AUTS2: variants seen among roughly 807,000 people sequenced by gnomAD.
The protein encoded by AUTS2 is activator of transcription and developmental regulator AUTS2, also known as autism susceptibility gene 2 protein.
AUTS2 carries 17 observed loss-of-function variants against 112.4 expected under a neutral mutation model. The ratio of observed to expected loss-of-function variants is 0.15; its 90% CI spans 0.10 to 0.23. The LOEUF is 0.23. AUTS2 is among the 10% of genes least tolerant of loss of function. The pLI, the probability that AUTS2 is intolerant of heterozygous loss-of-function variation, is 1.00. For synonymous variants in AUTS2, 751 were observed against 702.7 expected (o/e 1.07, Z -1.09); for missense variants, 1,510 against 1,701.6 (o/e 0.89, Z 1.98).
intron 2 of AUTS2, among the ~76,000 whole-genome samples, chr7:70,066,505 T>TTAAAATC (rs1802499070): frequency 6.6e-6 from 1 of 151,950 alleles, no homozygotes; most frequent in Non-Finnish European, 1.5e-5. Flanking sequence ...AAGTTTAATT[T>TTAAAATC]TAAAATCTAA....
chr7:70,767,889 A>G, intron 9 of AUTS2, 135 bp from the exon 10 acceptor site: 1 of 784,826 alleles, frequency 1.3e-6, no homozygotes, highest in Non-Finnish European at 2.1e-6. Flanking sequence ...GGAGCTCAGA[A>G]TGGTTTCATA....
Position 70,730,458 on chromosome 7 carries a change from C to T in AUTS2, c.742+31838C>T, listed in dbSNP as rs542641405. 1.3e-3 allele frequency among the ~76,000 whole-genome samples: 197 copies of T among 152,334 alleles called. 1 individual carries two copies. Among genetic ancestry groups the T allele is most frequent in the African/African-American group, 4.2e-3 (176 of 41,568 alleles). On this transcript the variant is annotated intron_variant, in intron 6 of 18. Transcript: ENST00000342771. ...GCCCAGGCAGCCACTAATCTGCTTT[C>T]TGTCTCTGGCTTTGCCCGTTCCTGG... is the stretch of plus-strand genomic sequence containing the variant.
At position 70,727,600 on chromosome 7, in the gene AUTS2, A is replaced by G. The variant is rs147996680; in HGVS notation, c.742+28980A>G. Among the ~76,000 whole-genome samples the G allele has an allele frequency of 9.9e-4, 151 of 152,274 alleles. 1 individual carries two copies. In the East Asian group the frequency reaches 0.027, roughly 27 times the overall value. On this transcript the variant is annotated intron_variant, in intron 6 of 18. Coordinates refer to ENST00000342771, the MANE Select transcript of AUTS2 (RefSeq NM_015570.4). ...TGATCTCAGGCGATCTGCCTGCCTC[A>G]GCCTCCCAAAGTGCTGGGATTACAG...
chr7:70,750,193 T>C (rs2129555269), intron 6 of AUTS2, among the ~76,000 whole-genome samples: 1 of 152,208 alleles, frequency 6.6e-6, no homozygotes, highest in Non-Finnish European at 1.5e-5. Context: ...ACCTGGACCC[T>C]GATGAGAGGG....
chr7:70,098,739 G>A (rs1201718281), intron 2 of AUTS2, among the ~76,000 whole-genome samples: 1 of 139,212 alleles, frequency 7.2e-6, no homozygotes, highest in Non-Finnish European at 1.6e-5. Context: ...TTTTGCTCTT[G>A]TTGCCCAGGC....
chr7:70,414,596 C>T (rs1313071900), intron 4 of AUTS2, among the ~76,000 whole-genome samples: 1 of 152,018 alleles, frequency 6.6e-6, no homozygotes, highest in Non-Finnish European at 1.5e-5. Context: ...AGTGGGGAGA[C>T]AATTATGAGA....
chr7:70,787,276 C>T lies in AUTS2; in HGVS notation c.2376C>T (p.Pro792=), dbSNP rs138310814. 1.2e-6 allele frequency: 2 copies of T among 1,614,108 alleles called. No individual in the cohort carries two copies. Among genetic ancestry groups the T allele is most frequent in the African/African-American group, 2.7e-5 (2 of 74,946 alleles). ...AGAACTTTAGCAACCCTCACGAACC[C>T]TGGAACCGGCTGCACCGAACGCCTC... ...SVQNFSNPHE[P]WNRLHRTPPS... The change falls in exon 18 of 19, where the codon CCC becomes CCT. Residue 792 remains proline, a synonymous_variant. Coordinates refer to ENST00000342771, the MANE Select transcript of AUTS2 (RefSeq NM_015570.4).
At chr7:69,873,702 G>T (rs1793604035) in intron 1 of AUTS2, among the ~76,000 whole-genome samples, 1 of 152,140 alleles carries the variant, frequency 6.6e-6, no homozygotes, top group Non-Finnish European at 1.5e-5. Flanking sequence ...GAACAGAAAT[G>T]ATTATCTATC....
chr7:70,418,646 G>C (rs1258844317), intron 4 of AUTS2, among the ~76,000 whole-genome samples: 1 of 152,174 alleles, frequency 6.6e-6, no homozygotes, highest in Non-Finnish European at 1.5e-5. Context: ...GGCCTCTGAA[G>C]ATCAGCAGCC....
At chr7:70,406,605 C>T (rs1243035818) in intron 4 of AUTS2, among the ~76,000 whole-genome samples, 1 of 152,196 alleles carries the variant, frequency 6.6e-6, no homozygotes, top group Non-Finnish European at 1.5e-5. Context: ...CATTACGAGG[C>T]TGCTGGGCTC....
intron 5 of AUTS2, among the ~76,000 whole-genome samples, chr7:70,488,775 C>T (rs551509888): frequency 2.0e-5 from 3 of 152,240 alleles, no homozygotes; most frequent in African/African-American, 7.2e-5. Context: ...GACGCGTATC[C>T]CTTCAGGGAA....
intron 1 of AUTS2, among the ~76,000 whole-genome samples, chr7:69,736,992 G>A (rs943948312): frequency 3.9e-5 from 6 of 152,078 alleles, no homozygotes; most frequent in South Asian, 2.1e-4. Context: ...GGGTTATTCC[G>A]GGAAAATCAG....
chr7:70,386,644 C>G (rs2129633694), intron 4 of AUTS2, among the ~76,000 whole-genome samples: 1 of 152,318 alleles, frequency 6.6e-6, no homozygotes, highest in South Asian at 2.1e-4. Context: ...GCAAGTGTCT[C>G]TAAAAATGTT....
chr7:69,910,198 G>C (rs1795297047), intron 2 of AUTS2, among the ~76,000 whole-genome samples: 2 of 152,158 alleles, frequency 1.3e-5, no homozygotes, highest in South Asian at 4.1e-4. Context: ...TTTTTGAAGG[G>C]GAGTATATTG....
chr7:69,608,739 A>G (rs771169271), intron 1 of AUTS2, among the ~76,000 whole-genome samples: 2 of 152,234 alleles, frequency 1.3e-5, no homozygotes, highest in Non-Finnish European at 2.9e-5. Context: ...GGCAAAGAGA[A>G]TGAAGGTCCT....
At chr7:69,990,157 T>C (rs1485326433) in intron 2 of AUTS2, among the ~76,000 whole-genome samples, 2 of 152,222 alleles carry the variant, frequency 1.3e-5, no homozygotes, top group Admixed American at 1.3e-4. Context: ...TCAATTTCCT[T>C]ATCTGTAAAA....
chr7:70,312,643 A>G (rs1192021986), intron 4 of AUTS2, among the ~76,000 whole-genome samples: 3 of 152,192 alleles, frequency 2.0e-5, no homozygotes, highest in Non-Finnish European at 2.9e-5. Context: ...GACTGAAAGT[A>G]GGTGATAGGA....
intron 4 of AUTS2, among the ~76,000 whole-genome samples, chr7:70,167,881 T>G (rs1055954741): frequency 1.3e-5 from 2 of 152,204 alleles, no homozygotes; most frequent in African/African-American, 4.8e-5. Context: ...TCTAGGCATT[T>G]AAAAAATATA....
At chr7:70,455,480 G>A (rs908427762) in intron 5 of AUTS2, among the ~76,000 whole-genome samples, 1 of 152,102 alleles carries the variant, frequency 6.6e-6, no homozygotes, top group African/African-American at 2.4e-5. Flanking sequence ...AAGAAGACAT[G>A]GAATACCTGG....
Sources: allele counts gnomAD v4.1 joint callset (sites outside exome capture counted in the v4.1 genomes callset), GRCh38; gene constraint gnomAD v4.1.1; transcripts MANE v1.5; gene names NCBI Gene and HGNC (gene_info 2026-07-23, HGNC 2026-07-21).